The following NCAPD3 variants were observed in gnomAD, a reference collection of about 807,000 sequenced individuals.
The protein encoded by NCAPD3 is condensin-2 complex subunit D3.
NCAPD3 carries 105 observed loss-of-function variants against 182.9 expected under a neutral mutation model. The ratio of observed to expected loss-of-function variants is 0.57; its 90% CI spans 0.49 to 0.68. The LOEUF (loss-of-function observed/expected upper bound fraction) is 0.68. Ranked by LOEUF, NCAPD3 falls within the 30% of genes least tolerant of loss-of-function variation. NCAPD3 has a pLI of 0.00. For missense variants in NCAPD3, 1,944 were observed against 1,837.0 expected, an observed-to-expected ratio of 1.06 and a Z score of -1.07; for synonymous variants, 815 against 679.9, an observed-to-expected ratio of 1.20 and a Z score of -3.09.
At chr11:134,174,488 C>CAT (rs904776791) in intron 24 of NCAPD3, among the ~76,000 whole-genome samples, 17 of 146,836 alleles carry the variant, frequency 1.2e-4, no homozygotes, top group South Asian at 2.2e-4. Flanking sequence ...CAGAAAGATA[C>CAT]ATATATATAT....
intron 7 of NCAPD3, among the ~76,000 whole-genome samples, chr11:134,208,095 G>GT (rs1937682574): frequency 6.6e-6 from 1 of 152,186 alleles, no homozygotes; most frequent in Non-Finnish European, 1.5e-5. Flanking sequence ...CCCACAGCTA[G>GT]TAAGTGGTGA....
intron 32 of NCAPD3, 89 bp downstream of exon 32, chr11:134,156,929 C>A (rs997131235): frequency 8.5e-6 from 10 of 1,171,318 alleles, no homozygotes; most frequent in Non-Finnish European, 1.3e-5. Context: ...TATCCTGCAC[C>A]GGAAGGAGTT....
chr11:134,200,068 C>T (rs890978911), intron 13 of NCAPD3, among the ~76,000 whole-genome samples: 2 of 151,972 alleles, frequency 1.3e-5, no homozygotes, highest in African/African-American at 4.8e-5. Context: ...AGGTGGACCC[C>T]CTATATCACA....
At chr11:134,167,602 ACT>A (rs1555129686) in intron 27 of NCAPD3, among the ~76,000 whole-genome samples, 1 of 60,540 alleles carries the variant, frequency 1.7e-5, no homozygotes. Flanking sequence ...GGGCACACTC[ACT>A]AGTGAGATGA....
chr11:134,204,987 A>C lies in NCAPD3; in HGVS notation c.1017-16T>G. ...CACAAGGGCGCTTTGTAAAAGAAAA[A>C]CACATCTACTGTTCACAATACAGTC... On this transcript the variant is annotated splice_polypyrimidine_tract_variant and intron_variant, in intron 8 of 34. Coordinates refer to ENST00000534548, the MANE Select transcript of NCAPD3 (RefSeq NM_015261.3). This position sits in a 1 kb window ranked among gnomAD's most constrained non-coding sequence, Gnocchi z 4.3. 2.5e-6 allele frequency: 4 copies of C among 1,597,646 alleles called. No individual in the cohort carries two copies. The highest frequency in any genetic ancestry group is 3.4e-6 in the Non-Finnish European group (4 of 1,165,136).
chr11:134,192,319 G>A (rs540873285), intron 16 of NCAPD3, among the ~76,000 whole-genome samples: 19 of 152,332 alleles, frequency 1.2e-4, no homozygotes, highest in African/African-American at 3.6e-4. Context: ...TTAATCCAAT[G>A]AGGTGTTAAA....
chr11:134,223,790 CG>C lies in NCAPD3; in HGVS notation c.64+72del. 4 of 1,548,308 alleles carry C rather than the reference CG, an allele frequency of 2.6e-6. No individual in the cohort carries two copies. In the South Asian group the frequency reaches 3.5e-5, roughly 14 times the overall value. On this transcript the variant is annotated intron_variant, in intron 1 of 34. Coordinates refer to ENST00000534548, the MANE Select transcript of NCAPD3 (RefSeq NM_015261.3). ...CCCCGCCCCCACCGGCACCCCGGCC[CG>C]GGCTTAGGCATCGTCGGGGACGCAT... is the stretch of plus-strand genomic sequence containing the variant.
chr11:134,196,774 AATGTT>A (rs1944638699), intron 13 of NCAPD3, among the ~76,000 whole-genome samples: 1 of 152,158 alleles, frequency 6.6e-6, no homozygotes, highest in Non-Finnish European at 1.5e-5. Flanking sequence ...AATTCTAACA[AATGTT>A]AAAGCAAAAA....
intron 32 of NCAPD3, among the ~76,000 whole-genome samples, chr11:134,156,282 G>T (rs1051812838): frequency 1.3e-5 from 2 of 152,182 alleles, no homozygotes; most frequent in Non-Finnish European, 2.9e-5. Flanking sequence ...AGCGGGGCTG[G>T]ATGCAGCTTG....
At position 134,152,995 on chromosome 11, in the gene NCAPD3, T is replaced by A. The variant is rs1177639415; in HGVS notation, c.4446A>T (p.Pro1482=). ...VRSPARNKDT[P]ACSRRSLRKT... is the part of the protein sequence containing the mutation. ...TTCGGAGGGACCTCCTGCTGCAGGC[T>A]GGAGTGTCTTTATTCCTGGCGGGAG... is the stretch of plus-strand genomic sequence containing the variant. Residue 1482 remains proline (P), a synonymous_variant, in exon 35 of 35, where the codon CCA becomes CCT. Coordinates refer to ENST00000534548, the MANE Select transcript of NCAPD3 (RefSeq NM_015261.3). 8 of 1,586,940 alleles carry A rather than the reference T, an allele frequency of 5.0e-6. No individual in the cohort carries two copies. The highest frequency in any genetic ancestry group is 6.0e-6 in the Non-Finnish European group (7 of 1,164,814).
chr11:134,208,234 A>T (rs951056414), intron 7 of NCAPD3, among the ~76,000 whole-genome samples: 11 of 152,106 alleles, frequency 7.2e-5, no homozygotes, highest in Non-Finnish European at 1.3e-4. Context: ...GGTCCAACAC[A>T]TTTTTTTGCA....
rs531990454 is a variant in NCAPD3 at position 134,214,248 on chromosome 11, C to T, written c.382+2688G>A. Among the ~76,000 whole-genome samples, 40 of 151,974 alleles carry T rather than the reference C, an allele frequency of 2.6e-4. No individual in the cohort carries two copies. The South Asian group carries it at 7.1e-3, about 27-fold the overall frequency. On this transcript the variant is annotated intron_variant, in intron 3 of 34. Coordinates refer to ENST00000534548, the MANE Select transcript of NCAPD3 (RefSeq NM_015261.3). ...TGTTCTCTGATCCCACCAATTAAAA[C>T]TCAATTACAGTAAGATTTCAGGAAA...
At chr11:134,171,605 G>A (rs1157149793) in intron 24 of NCAPD3, among the ~76,000 whole-genome samples, 2 of 152,148 alleles carry the variant, frequency 1.3e-5, no homozygotes, top group Non-Finnish European at 2.9e-5. Context: ...CCTGAGGCTT[G>A]AAGCAGTATT....
intron 27 of NCAPD3, 85 bp downstream of exon 27, chr11:134,167,911 G>C (rs1943903003): frequency 8.2e-7 from 1 of 1,212,164 alleles, no homozygotes; most frequent in Non-Finnish European, 1.2e-6. Flanking sequence ...GATGAGCTTG[G>C]GGGAGGTGCA....
At chr11:134,159,239 G>C (rs1325157322) in intron 29 of NCAPD3, among the ~76,000 whole-genome samples, 1 of 152,172 alleles carries the variant, frequency 6.6e-6, no homozygotes, top group Non-Finnish European at 1.5e-5. Flanking sequence ...CCTCTATACT[G>C]TTCTCCATAG....
intron 15 of NCAPD3, among the ~76,000 whole-genome samples, chr11:134,193,708 G>A (rs1421685029): frequency 6.6e-6 from 1 of 152,188 alleles, no homozygotes; most frequent in Non-Finnish European, 1.5e-5. Context: ...AGCTGAGATT[G>A]TGCCACTGCA....
At chr11:134,160,378 C>G (rs940401622) in intron 28 of NCAPD3, among the ~76,000 whole-genome samples, 3 of 152,122 alleles carry the variant, frequency 2.0e-5, no homozygotes, top group Non-Finnish European at 2.9e-5. Context: ...GAGTAACTAA[C>G]AGTTCTCTCT....
At chr11:134,222,161 T>C (rs2136036533) in intron 1 of NCAPD3, among the ~76,000 whole-genome samples, 1 of 152,344 alleles carries the variant, frequency 6.6e-6, no homozygotes, top group African/African-American at 2.4e-5. Flanking sequence ...AGTTAGTCTT[T>C]TTCCCTCAGT....
intron 24 of NCAPD3, among the ~76,000 whole-genome samples, chr11:134,173,887 G>C (rs534470578): frequency 6.6e-6 from 1 of 151,830 alleles, no homozygotes; most frequent in East Asian, 1.9e-4. Flanking sequence ...CTTGAACCAG[G>C]GAGTCGGAGG....
Sources: gnomAD v4.1 joint callset for allele counts (sites outside exome capture counted in the v4.1 genomes callset) on GRCh38, gnomAD v4.1.1 for gene constraint, Gnocchi (gnomAD v3.1) non-coding constraint, MANE v1.5 for transcripts, NCBI Gene and HGNC (gene_info 2026-07-23, HGNC 2026-07-21) for gene names.